SYNDIG1: variants seen among roughly 807,000 people sequenced by gnomAD.
SYNDIG1 encodes synapse differentiation inducing 1.
SYNDIG1 carries 9 observed loss-of-function variants against 19.4 expected under a neutral mutation model. That is an observed-to-expected ratio of 0.46 (90% CI 0.28 to 0.81). SYNDIG1 has a LOEUF of 0.81. Among genes scored for constraint, SYNDIG1 ranks in the 30% least tolerant of loss-of-function variants. SYNDIG1 has a pLI of 0.12. For synonymous variants in SYNDIG1, 141 were observed against 145.9 expected (o/e 0.97, Z 0.24); for missense variants, 311 against 343.3 (o/e 0.91, Z 0.74).
chr20:24,560,997 C>CTT (rs372179970), intron 2 of SYNDIG1, among the ~76,000 whole-genome samples: 2 of 145,352 alleles, frequency 1.4e-5, no homozygotes, highest in Non-Finnish European at 3.0e-5. Context: ...TCAGCTTTGT[C>CTT]TTTTTTTTTT....
intron 1 of SYNDIG1, among the ~76,000 whole-genome samples, chr20:24,525,988 C>T (rs1312761310): frequency 6.6e-6 from 1 of 152,096 alleles, no homozygotes; most frequent in African/African-American, 2.4e-5. Flanking sequence ...TATAATAATA[C>T]TTTCTACTCC....
At chr20:24,650,722 C>G (rs1384899585) in intron 3 of SYNDIG1, among the ~76,000 whole-genome samples, 4 of 152,164 alleles carry the variant, frequency 2.6e-5, no homozygotes, top group Admixed American at 1.3e-4. Context: ...ACTGTTTGAT[C>G]GTGTGAAAAC....
chr20:24,471,388 G>A (rs1392597547), intron 1 of SYNDIG1, among the ~76,000 whole-genome samples: 1 of 151,872 alleles, frequency 6.6e-6, no homozygotes, highest in East Asian at 1.9e-4. Context: ...TGTGTTTGGC[G>A]GTGGTGTGGC....
At chr20:24,602,634 G>A (rs2058695602) in intron 3 of SYNDIG1, among the ~76,000 whole-genome samples, 1 of 152,136 alleles carries the variant, frequency 6.6e-6, no homozygotes. Flanking sequence ...CATATGCCTG[G>A]TCCACCCTTC....
At chr20:24,540,846 G>T (rs185197429) in intron 1 of SYNDIG1, among the ~76,000 whole-genome samples, 103 of 152,194 alleles carry the variant, frequency 6.8e-4, no homozygotes, top group South Asian at 1.5e-3. Context: ...AAGGCATATG[G>T]GTCTGTAATG....
chr20:24,498,336 C>G (rs2056351565), intron 1 of SYNDIG1, among the ~76,000 whole-genome samples: 1 of 152,122 alleles, frequency 6.6e-6, no homozygotes. Flanking sequence ...AAGGTCTACC[C>G]TCTTAGCAAA....
intron 1 of SYNDIG1, among the ~76,000 whole-genome samples, chr20:24,479,211 C>T (rs2055723976): frequency 1.3e-5 from 2 of 152,176 alleles, no homozygotes; most frequent in Non-Finnish European, 2.9e-5. Context: ...TCCACCAGAG[C>T]CTGGCCCAGC....
intron 3 of SYNDIG1, among the ~76,000 whole-genome samples, chr20:24,664,424 G>A (rs1229250860): frequency 6.6e-6 from 1 of 152,160 alleles, no homozygotes; most frequent in African/African-American, 2.4e-5. Context: ...AGGACATTCT[G>A]CCAGGGTAGT....
chr20:24,507,362 T>G (rs6049744), intron 1 of SYNDIG1, among the ~76,000 whole-genome samples: 44 of 152,236 alleles, frequency 2.9e-4, no homozygotes, highest in Middle Eastern at 6.8e-3. Flanking sequence ...TGATTCATCA[T>G]CTATATTCTC....
At chr20:24,500,174 G>A (rs887046946) in intron 1 of SYNDIG1, among the ~76,000 whole-genome samples, 8 of 152,108 alleles carry the variant, frequency 5.3e-5, no homozygotes, top group African/African-American at 1.4e-4. Context: ...TAGTCCTCTC[G>A]GTGATGGTGA....
chr20:24,624,177 A>T (rs1600772587), intron 3 of SYNDIG1, among the ~76,000 whole-genome samples: 1 of 148,638 alleles, frequency 6.7e-6, no homozygotes, highest in Admixed American at 6.9e-5. Context: ...AATGGCATGA[A>T]CCCGGGAGGT....
At chr20:24,587,739 T>C (rs1441820164) in intron 3 of SYNDIG1, among the ~76,000 whole-genome samples, 1 of 152,152 alleles carries the variant, frequency 6.6e-6, no homozygotes, top group Admixed American at 6.5e-5. Flanking sequence ...CCTTGTTGGG[T>C]CAAGGGGATG....
chr20:24,665,650 G>C lies in SYNDIG1; in HGVS notation c.*146G>C, dbSNP rs1049192969. On this transcript the variant is annotated 3_prime_UTR_variant, in exon 4 of 4. Coordinates refer to ENST00000376862, the MANE Select transcript of SYNDIG1 (RefSeq NM_024893.3). ...GATTTCCTACCCATGGATTTATTTT[G>C]TTTTTATCCTTTAATTTCATGTTCA... 2.8e-5 allele frequency: 34 copies of C among 1,193,014 alleles called. No homozygotes were observed. In the Admixed American group the frequency reaches 7.5e-4, roughly 26 times the overall value. The allele number at this position is 1,193,014 out of a possible 1,614,324, so 73.9% of individuals were successfully genotyped here.
chr20:24,562,483 A>G, intron 2 of SYNDIG1, among the ~76,000 whole-genome samples: 1 of 152,240 alleles, frequency 6.6e-6, no homozygotes, highest in East Asian at 1.9e-4. Context: ...TGTTTCTCAA[A>G]AAATAAAAAT....
At chr20:24,615,356 G>A (rs528774568) in intron 3 of SYNDIG1, among the ~76,000 whole-genome samples, 59 of 152,278 alleles carry the variant, frequency 3.9e-4, no homozygotes, top group African/African-American at 1.3e-3. Context: ...GGTGATGAGC[G>A]AGACCTGGGT....
intron 1 of SYNDIG1, among the ~76,000 whole-genome samples, chr20:24,493,504 TACAC>T (rs1327865575): frequency 5.3e-5 from 8 of 152,256 alleles, no homozygotes; most frequent in Non-Finnish European, 8.8e-5. Context: ...CACATGCAGG[TACAC>T]ACACTGTGGT....
chr20:24,510,429 C>A (rs1338664119), intron 1 of SYNDIG1, among the ~76,000 whole-genome samples: 1 of 150,790 alleles, frequency 6.6e-6, no homozygotes, highest in Non-Finnish European at 1.5e-5. Context: ...AAAAGTTAGG[C>A]ATGGTGGTGG....
At chr20:24,535,236 C>T (rs1215319413) in intron 1 of SYNDIG1, among the ~76,000 whole-genome samples, 2 of 152,184 alleles carry the variant, frequency 1.3e-5, no homozygotes, top group Non-Finnish European at 2.9e-5. Context: ...TGTGTGTAGA[C>T]ACCTCCTGGT....
chr20:24,574,690 A>T (rs1346434966), intron 2 of SYNDIG1, among the ~76,000 whole-genome samples: 2 of 152,166 alleles, frequency 1.3e-5, no homozygotes, highest in Non-Finnish European at 2.9e-5. Flanking sequence ...ATTTCAATTA[A>T]TGCAGGAATA....
Sources: allele counts gnomAD v4.1 joint callset (sites outside exome capture counted in the v4.1 genomes callset), GRCh38; gene constraint gnomAD v4.1.1; transcripts MANE v1.5; gene names NCBI Gene and HGNC (gene_info 2026-07-23, HGNC 2026-07-21).